Variants in RALYL observed in about 807,000 individuals in gnomAD.
The protein encoded by RALYL is RNA-binding Raly-like protein.
A neutral mutation model predicts 35.1 loss-of-function variants in RALYL; 29 were observed. That is an observed-to-expected ratio of 0.83 (90% CI 0.61 to 1.13). RALYL has a LOEUF of 1.13. RALYL is among the 50% of genes most tolerant of loss of function. The probability of loss-of-function intolerance (pLI) is 0.00; values close to 1 mark genes in which losing one functional copy is unlikely to be tolerated. For synonymous variants in RALYL, 120 were observed against 127.6 expected, an observed-to-expected ratio of 0.94 and a Z score of 0.40; for missense variants, 359 against 360.4, an observed-to-expected ratio of 1.00 and a Z score of 0.03.
intron 8 of RALYL, among the ~76,000 whole-genome samples, chr8:84,895,406 G>A (rs1844581756): frequency 6.6e-6 from 1 of 151,008 alleles, no homozygotes; most frequent in Admixed American, 6.6e-5. Context: ...TAGAGCATTT[G>A]TATCCTCTTA....
intron 2 of RALYL, among the ~76,000 whole-genome samples, chr8:84,713,357 G>C (rs1205462101): frequency 6.6e-6 from 1 of 151,740 alleles, no homozygotes; most frequent in South Asian, 2.1e-4. Flanking sequence ...AACTCAAACA[G>C]CTCAATAGCA....
At chr8:84,426,244 G>A (rs1453244323) in intron 1 of RALYL, among the ~76,000 whole-genome samples, 1 of 152,046 alleles carries the variant, frequency 6.6e-6, no homozygotes, top group Non-Finnish European at 1.5e-5. Context: ...TGTGGCAAGA[G>A]CAGCTAAAAT....
At position 84,538,952 on chromosome 8, in the gene RALYL, T is replaced by C. The variant is rs531326919; in HGVS notation, c.256+9375T>C. On this transcript the variant is annotated intron_variant, in intron 2 of 8. Coordinates refer to ENST00000521268, the MANE Select transcript of RALYL (RefSeq NM_173848.7). Reference sequence around the variant, plus strand: ...CCTGTTAGGAAATGTGGATTTGAATTTAACTGTTACTCTAAAATATGTGGC... The same window carrying C: ...CCTGTTAGGAAATGTGGATTTGAATCTAACTGTTACTCTAAAATATGTGGC... 5.3e-5 allele frequency among the ~76,000 whole-genome samples: 8 copies of C among 152,320 alleles called. No homozygotes were observed. The South Asian group carries it at 1.7e-3, about 32-fold the overall frequency.
At chr8:84,423,465 C>T (rs1348052932) in intron 1 of RALYL, among the ~76,000 whole-genome samples, 3 of 151,930 alleles carry the variant, frequency 2.0e-5, no homozygotes, top group Non-Finnish European at 4.4e-5. Flanking sequence ...GATGGTTTTC[C>T]TGAATACAGC....
Position 84,543,983 on chromosome 8 carries a change from A to G in RALYL, c.256+14406A>G, listed in dbSNP as rs371693166. Among the ~76,000 whole-genome samples the G allele has an allele frequency of 1.5e-4, 23 of 152,186 alleles. 2 individuals carry two copies. In the South Asian group the frequency reaches 3.9e-3, roughly 26 times the overall value. Reference sequence around the variant, plus strand: ...ATTTGCTTTATCCCACAATACACCTATAAGTCTCAGAAAAACAGTACCACC... The same window carrying G: ...ATTTGCTTTATCCCACAATACACCTGTAAGTCTCAGAAAAACAGTACCACC... On this transcript the variant is annotated intron_variant, in intron 2 of 8. Coordinates refer to ENST00000521268, the MANE Select transcript of RALYL (RefSeq NM_173848.7).
chr8:84,321,543 A>G (rs1844810210), intron 1 of RALYL, among the ~76,000 whole-genome samples: 1 of 152,130 alleles, frequency 6.6e-6, no homozygotes, highest in Admixed American at 6.6e-5. Flanking sequence ...GTATTTGTAT[A>G]GGTTTTACAT....
intron 1 of RALYL, among the ~76,000 whole-genome samples, chr8:84,502,910 C>A (rs2056830034): frequency 8.0e-6 from 1 of 124,760 alleles, no homozygotes; most frequent in Non-Finnish European, 1.8e-5. Context: ...AAGACCCACT[C>A]TTTAAAAAAA....
intron 4 of RALYL, among the ~76,000 whole-genome samples, chr8:84,817,989 G>A (rs1416635390): frequency 6.6e-6 from 1 of 152,162 alleles, no homozygotes; most frequent in African/African-American, 2.4e-5. Context: ...AAGTTTCACT[G>A]AATCGCAGAA....
At chr8:84,481,450 T>G (rs979768271) in intron 1 of RALYL, among the ~76,000 whole-genome samples, 1 of 151,356 alleles carries the variant, frequency 6.6e-6, no homozygotes, top group East Asian at 1.9e-4. Flanking sequence ...ATAATTCAGC[T>G]TCCCAAGTAA....
Position 84,206,653 on chromosome 8 carries a change from T to C in RALYL, c.-24+22229T>C, listed in dbSNP as rs147719708. On this transcript the variant is annotated intron_variant, in intron 1 of 8. Coordinates refer to ENST00000521268, the MANE Select transcript of RALYL (RefSeq NM_173848.7). ...AATGAAGAGAAAGATTTTAGAACTATCTGAGTGGAGGTGATATGTGATAGT... is the reference window on the plus strand; with the variant it reads ...AATGAAGAGAAAGATTTTAGAACTACCTGAGTGGAGGTGATATGTGATAGT... Among the ~76,000 whole-genome samples, 43 of 152,250 alleles carry C rather than the reference T, an allele frequency of 2.8e-4. 1 individual carries two copies. The East Asian group carries it at 7.7e-3, about 27-fold the overall frequency.
intron 2 of RALYL, among the ~76,000 whole-genome samples, chr8:84,540,311 A>ATTTG (rs1159231182): frequency 6.8e-6 from 1 of 147,302 alleles, no homozygotes; most frequent in African/African-American, 2.5e-5. Context: ...TTATCATAGG[A>ATTTG]TTTGTGTGTG....
At chr8:84,558,343 T>C (rs1045984931) in intron 2 of RALYL, among the ~76,000 whole-genome samples, 3 of 152,124 alleles carry the variant, frequency 2.0e-5, no homozygotes, top group Non-Finnish European at 4.4e-5. Context: ...TAGGTATTCA[T>C]TTACTATATT....
chr8:84,687,104 G>A (rs1836962352), intron 2 of RALYL, among the ~76,000 whole-genome samples: 3 of 152,014 alleles, frequency 2.0e-5, no homozygotes, highest in Admixed American at 2.0e-4. Context: ...CAAACTTGAT[G>A]GTTTAAATTA....
At chr8:84,377,127 T>A (rs866070971) in intron 1 of RALYL, among the ~76,000 whole-genome samples, 6 of 151,796 alleles carry the variant, frequency 4.0e-5, no homozygotes, top group Admixed American at 1.3e-4. Flanking sequence ...TATTAAAAAA[T>A]TTTACATGTA....
At chr8:84,884,413 A>G (rs1842641085) in intron 7 of RALYL, among the ~76,000 whole-genome samples, 1 of 152,040 alleles carries the variant, frequency 6.6e-6, no homozygotes, top group Non-Finnish European at 1.5e-5. Context: ...GCATGTTTAA[A>G]GTGTGGTCCT....
rs149707048 is a variant in RALYL, at chr8:84,563,608, C to A, written c.256+34031C>A. On this transcript the variant is annotated intron_variant, in intron 2 of 8. Transcript: ENST00000521268. ...ATTACCAGCGGTCGATATAGCACAG[C>A]GAACCTAGATCTTTTCTTTGTTGTT... Among the ~76,000 whole-genome samples the A allele has an allele frequency of 3.1e-4, 47 of 151,502 alleles. No individual in the cohort carries two copies. The East Asian group carries it at 8.6e-3, about 28-fold the overall frequency.
intron 2 of RALYL, among the ~76,000 whole-genome samples, chr8:84,672,064 C>A (rs1316349847): frequency 6.6e-6 from 1 of 152,178 alleles, no homozygotes; most frequent in African/African-American, 2.4e-5. Context: ...CTTTAAAGAG[C>A]ACCCAAGTCA....
chr8:84,419,575 T>G lies in RALYL; in HGVS notation c.-23-109724T>G, dbSNP rs187695302. The stretch of plus-strand genomic sequence containing the variant: ...TTTTTTATTATTATACATTAAGTTT[T>G]AGGGTACATGTGCACATTGTGCAGG... On this transcript the variant is annotated intron_variant, in intron 1 of 8. Coordinates refer to ENST00000521268, the MANE Select transcript of RALYL (RefSeq NM_173848.7). Among the ~76,000 whole-genome samples the G allele has an allele frequency of 5.6e-3, 855 of 152,060 alleles. 12 individuals carry two copies. The highest frequency in any genetic ancestry group is 0.019 in the African/African-American group (774 of 41,444).
intron 1 of RALYL, among the ~76,000 whole-genome samples, chr8:84,211,804 C>T (rs1262037190): frequency 1.3e-5 from 2 of 152,024 alleles, no homozygotes; most frequent in Admixed American, 1.3e-4. Context: ...ATAGAAAATA[C>T]ATGAACCTGG....
Sources: gnomAD v4.1 joint callset for allele counts (sites outside exome capture counted in the v4.1 genomes callset) on GRCh38, gnomAD v4.1.1 for gene constraint, MANE v1.5 for transcripts, NCBI Gene and HGNC (gene_info 2026-07-23, HGNC 2026-07-21) for gene names.